Variants in GLG1 observed in about 807,000 individuals in gnomAD.
GLG1 encodes the protein Golgi apparatus protein 1.
A neutral mutation model predicts 160.5 loss-of-function variants in GLG1; 38 were observed. The observed-to-expected ratio is 0.24, with a 90% CI of 0.18 to 0.31. The LOEUF is 0.31. Among genes scored for constraint, GLG1 ranks in the 10% least tolerant of loss-of-function variants. GLG1 has a pLI of 1.00. For synonymous variants in GLG1, 644 were observed against 543.4 expected (o/e 1.19, Z -2.57); for missense variants, 1,373 against 1,505.2 (o/e 0.91, Z 1.45).
chr16:74,505,965 G>C (rs558007847), intron 3 of GLG1, among the ~76,000 whole-genome samples: 1 of 150,224 alleles, frequency 6.7e-6, no homozygotes, highest in Non-Finnish European at 1.5e-5. Flanking sequence ...AGGAGGTGGA[G>C]GTTGCAGTGA....
intron 12 of GLG1, 46 bp from the exon 13 acceptor site, chr16:74,474,678 T>C (rs768661883): frequency 1.1e-6 from 1 of 876,792 alleles, no homozygotes; most frequent in South Asian, 1.3e-5. Context: ...GTCACATACA[T>C]GAACAAGGCA....
chr16:74,463,336 G>C lies in GLG1; in HGVS notation c.2791+20C>G. The C allele has an allele frequency of 6.2e-7, 1 of 1,612,812 alleles. No individual in the cohort carries two copies. Among genetic ancestry groups the C allele is most frequent in the Non-Finnish European group, 8.5e-7 (1 of 1,178,928 alleles). On this transcript the variant is annotated intron_variant, in intron 20 of 25. Coordinates refer to ENST00000422840, the MANE Select transcript of GLG1 (RefSeq NM_001145667.2). ...TTTCAGATACTCCACGGGGCCAGGA[G>C]AGCCAAGCCAAGATCTTACCTGTGT...
At chr16:74,480,998 T>C (rs1307327895) in intron 10 of GLG1, among the ~76,000 whole-genome samples, 2 of 152,202 alleles carry the variant, frequency 1.3e-5, no homozygotes, top group African/African-American at 4.8e-5. Flanking sequence ...ATACCTAACA[T>C]TTTAATAGAC....
intron 1 of GLG1, among the ~76,000 whole-genome samples, chr16:74,567,989 C>A (rs2018708445): frequency 6.6e-6 from 1 of 152,234 alleles, no homozygotes; most frequent in African/African-American, 2.4e-5. Flanking sequence ...ACAGATAGAG[C>A]AAATGAGTCC....
chr16:74,587,809 C>T (rs1024469470), intron 1 of GLG1, among the ~76,000 whole-genome samples: 5 of 152,046 alleles, frequency 3.3e-5, no homozygotes, highest in South Asian at 2.1e-4. Flanking sequence ...TGAGCTGAGA[C>T]TACACCACTG....
chr16:74,556,446 C>CT (rs947783094), intron 1 of GLG1, among the ~76,000 whole-genome samples: 8 of 152,074 alleles, frequency 5.3e-5, no homozygotes, highest in African/African-American at 1.9e-4. Flanking sequence ...TTTAAACCAA[C>CT]TTTAGTATGA....
At chr16:74,533,281 A>C (rs2143616037) in intron 1 of GLG1, among the ~76,000 whole-genome samples, 1 of 152,344 alleles carries the variant, frequency 6.6e-6, no homozygotes, top group Non-Finnish European at 1.5e-5. Flanking sequence ...AGATCGCACC[A>C]CTGCACTCCG....
intron 18 of GLG1, among the ~76,000 whole-genome samples, chr16:74,466,239 A>T (rs1051125236): frequency 6.6e-6 from 1 of 152,230 alleles, no homozygotes; most frequent in Admixed American, 6.5e-5. Context: ...GCTAGATATG[A>T]ATCAGACCCA....
At chr16:74,529,804 T>C (rs1459534124) in intron 2 of GLG1, among the ~76,000 whole-genome samples, 3 of 139,136 alleles carry the variant, frequency 2.2e-5, no homozygotes. Context: ...CTTGGCTCTT[T>C]GAGAGTTCTT....
chr16:74,545,844 C>G (rs2018030428), intron 1 of GLG1, among the ~76,000 whole-genome samples: 1 of 152,130 alleles, frequency 6.6e-6, no homozygotes, highest in Admixed American at 6.5e-5. Context: ...CAATATAATT[C>G]TCTCATCACA....
intron 1 of GLG1, among the ~76,000 whole-genome samples, chr16:74,533,999 G>C (rs1459924024): frequency 6.6e-6 from 1 of 151,986 alleles, no homozygotes. Flanking sequence ...AGAAGAAAAA[G>C]GTTTCCCTAT....
chr16:74,503,861 G>C, intron 3 of GLG1, 115 bp from the exon 4 acceptor site: 1 of 690,350 alleles, frequency 1.4e-6, no homozygotes, highest in Non-Finnish European at 2.5e-6. Context: ...TCTTTACTTG[G>C]AAGAAAAAAA....
At position 74,572,522 on chromosome 16, in the gene GLG1, A is replaced by C. The variant is rs1172545744; in HGVS notation, c.438+34135T>G. On this transcript the variant is annotated intron_variant, in intron 1 of 25. Transcript: ENST00000422840. Reference sequence around the variant, plus strand: ...AGTGAGACTCTGTCTCAAAAAAAAAACAAACAAAAAAAAAAAAACACAAAA... The same window carrying C: ...AGTGAGACTCTGTCTCAAAAAAAAACCAAACAAAAAAAAAAAAACACAAAA... Among the ~76,000 whole-genome samples, 54 of 145,904 alleles carry C rather than the reference A, an allele frequency of 3.7e-4. 2 individuals are homozygous for C. Among genetic ancestry groups the C allele is most frequent in the Non-Finnish European group, 4.4e-4 (29 of 65,512 alleles).
chr16:74,596,189 T>C (rs1227359376), intron 1 of GLG1, among the ~76,000 whole-genome samples: 2 of 152,064 alleles, frequency 1.3e-5, no homozygotes, highest in African/African-American at 4.8e-5. Flanking sequence ...GCCACTGCCC[T>C]CCAGCCTGGG....
At chr16:74,461,435 G>A (rs1475695837) in intron 22 of GLG1, 1 of 148,676 alleles carries the variant, frequency 6.7e-6, no homozygotes, top group African/African-American at 2.5e-5. Flanking sequence ...CCTAAGTGAT[G>A]GGATTACAGG....
intron 1 of GLG1, among the ~76,000 whole-genome samples, chr16:74,585,191 T>C (rs533004177): frequency 7.9e-5 from 12 of 152,168 alleles, no homozygotes; most frequent in African/African-American, 2.9e-4. Flanking sequence ...GCAGATCACC[T>C]GAGCTCAGGA....
chr16:74,589,771 A>C (rs181895765), intron 1 of GLG1, among the ~76,000 whole-genome samples: 19 of 152,192 alleles, frequency 1.2e-4, no homozygotes, highest in African/African-American at 4.1e-4. Context: ...AGGAAAGTAT[A>C]CCAATAGTAA....
In GLG1 at chr16:74,542,670, C is replaced by CA. The variant is rs1169433529; in HGVS notation, c.439-10518dup. Among the ~76,000 whole-genome samples the CA allele has an allele frequency of 1.9e-3, 144 of 76,278 alleles. 5 individuals are homozygous for CA. The East Asian group carries it at 0.031, about 17-fold the overall frequency. 50.0% of individuals were successfully genotyped at this position (76,278 alleles called of 152,430 possible). A position where few individuals can be genotyped will look rare whatever the true frequency, so the allele number is the denominator to read the frequency against. ...CTGGGTGACAAAAGCGAAACTCTGT[C>CA]AAAAAAAAAAAAGGGAAGGGAAGGA... On this transcript the variant is annotated intron_variant, in intron 1 of 25. Coordinates refer to ENST00000422840, the MANE Select transcript of GLG1 (RefSeq NM_001145667.2).
At chr16:74,563,610 C>T (rs1299380627) in intron 1 of GLG1, among the ~76,000 whole-genome samples, 1 of 151,576 alleles carries the variant, frequency 6.6e-6, no homozygotes. Flanking sequence ...GCCTGTAGTC[C>T]CAGCTATTTG....
Sources: gnomAD v4.1 joint callset for allele counts (sites outside exome capture counted in the v4.1 genomes callset) on GRCh38, gnomAD v4.1.1 for gene constraint, MANE v1.5 for transcripts, NCBI Gene and HGNC (gene_info 2026-07-23, HGNC 2026-07-21) for gene names.